The following BLTP1 variants were observed in gnomAD, a reference collection of about 807,000 sequenced individuals.
BLTP1 encodes the protein bridge-like lipid transfer protein family member 1.
chr4:122,238,241 G>T, the BLTP1 span: 1 of 1,613,874 alleles, frequency 6.2e-7, no homozygotes, highest in East Asian at 2.2e-5. Flanking sequence ...TTCTAGTGCT[G>T]CACAGCCTTT....
At chr4:122,320,358 C>T in the BLTP1 span, among the ~76,000 whole-genome samples, 2 of 151,900 alleles carry the variant, frequency 1.3e-5, no homozygotes, top group African/African-American at 4.8e-5. Context: ...GCTATGTTGC[C>T]CAGGCTGGTC....
At chr4:122,339,204 T>C in the BLTP1 span, 1 of 1,611,586 alleles carries the variant, frequency 6.2e-7, no homozygotes, top group Non-Finnish European at 8.5e-7. Context: ...CTGTTATTTT[T>C]AGCCCTCACA....
chr4:122,210,135 C>G, the BLTP1 span: 1 of 400,504 alleles, frequency 2.5e-6, no homozygotes, highest in African/African-American at 2.2e-5. Context: ...CTATTATCTT[C>G]TATTATGTTT....
chr4:122,336,781 T>G, the BLTP1 span: 4 of 1,324,626 alleles, frequency 3.0e-6, no homozygotes, highest in South Asian at 3.1e-5. Flanking sequence ...TTTCCGGGTG[T>G]TCATACCTTT....
chr4:122,193,461 A>G, the BLTP1 span: 410 of 178,404 alleles, frequency 2.3e-3, 2 homozygotes, highest in African/African-American at 9.1e-3. Context: ...GAATTGTTCT[A>G]TAGTTATAGT....
the BLTP1 span, chr4:122,169,991 GA>G: frequency 1.0e-6 from 1 of 985,266 alleles, no homozygotes; most frequent in Non-Finnish European, 1.2e-6. Context: ...TAGTATTTCT[GA>G]TTGTTGAGAT....
the BLTP1 span, chr4:122,189,037 T>C: frequency 4.1e-6 from 4 of 984,616 alleles, no homozygotes; most frequent in African/African-American, 7.0e-5. Flanking sequence ...ATGTGGACTG[T>C]GCACACAAAT....
At chr4:122,312,164 T>G in the BLTP1 span, among the ~76,000 whole-genome samples, 1 of 152,074 alleles carries the variant, frequency 6.6e-6, no homozygotes, top group Non-Finnish European at 1.5e-5. Flanking sequence ...GCCCCCCAAG[T>G]AGCTGGGACC....
chr4:122,212,181 C>T, the BLTP1 span: 2 of 343,320 alleles, frequency 5.8e-6, no homozygotes, highest in African/African-American at 2.2e-5. Context: ...AGGTATATAG[C>T]ATCTCAATAT....
At chr4:122,325,212 CT>C in the BLTP1 span, 4 of 1,581,870 alleles carry the variant, frequency 2.5e-6, no homozygotes, top group South Asian at 2.3e-5. Context: ...TGTTTTATAA[CT>C]TTATATTTAC....
the BLTP1 span, chr4:122,203,958 TTTTG>T: frequency 8.3e-6 from 3 of 360,730 alleles, no homozygotes; most frequent in African/African-American, 4.4e-5. Flanking sequence ...TTAGTTCAAT[TTTTG>T]TTTATTTCAC....
At chr4:122,345,520 C>G in the BLTP1 span, among the ~76,000 whole-genome samples, 1 of 151,788 alleles carries the variant, frequency 6.6e-6, no homozygotes, top group Non-Finnish European at 1.5e-5. Context: ...AAATGTTGAA[C>G]ATTTAATTGG....
chr4:122,327,998 G>A, the BLTP1 span: 28 of 879,690 alleles, frequency 3.2e-5, no homozygotes, highest in Admixed American at 1.0e-4. Context: ...AGTTCAGAGT[G>A]AAGAAATTCA....
At chr4:122,325,674 T>C in the BLTP1 span, 53 of 1,036,530 alleles carry the variant, frequency 5.1e-5, no homozygotes, top group African/African-American at 7.9e-4. Context: ...ATTTATGTAT[T>C]TTATTTATAG....
At chr4:122,190,332 G>A in the BLTP1 span, 1 of 717,614 alleles carries the variant, frequency 1.4e-6, no homozygotes, top group Non-Finnish European at 1.7e-6. Flanking sequence ...CTGGCCTTAA[G>A]TGATCCTCCT....
chr4:122,180,839 T>G, the BLTP1 span, among the ~76,000 whole-genome samples: 3 of 152,256 alleles, frequency 2.0e-5, no homozygotes, highest in African/African-American at 7.2e-5. Context: ...TTTCTATTTA[T>G]GTAATTTATT....
At chr4:122,292,748 C>A in the BLTP1 span, 1 of 277,222 alleles carries the variant, frequency 3.6e-6, no homozygotes, top group Non-Finnish European at 5.5e-6. Flanking sequence ...TAAGCCTATC[C>A]AACCAACTTG....
the BLTP1 span, chr4:122,298,344 A>G: frequency 2.6e-6 from 1 of 385,930 alleles, no homozygotes; most frequent in Non-Finnish European, 3.5e-6. Flanking sequence ...GAACTCTCTT[A>G]GCTTAATTTC....
chr4:122,231,729 G>A, the BLTP1 span: 6 of 975,770 alleles, frequency 6.1e-6, no homozygotes, highest in Non-Finnish European at 7.3e-6. Flanking sequence ...TATATGGGGT[G>A]CATGTGTATA....
Sources: gnomAD v4.1 joint callset for allele counts (sites outside exome capture counted in the v4.1 genomes callset) on GRCh38, gnomAD v4.1.1 for gene constraint, MANE v1.5 for transcripts, NCBI Gene and HGNC (gene_info 2026-07-23, HGNC 2026-07-21) for gene names.